The following AFG3L2 variants were observed in gnomAD, a reference collection of about 807,000 sequenced individuals.
The protein encoded by AFG3L2 is AFG3 like matrix AAA peptidase subunit 2, also known as mitochondrial inner membrane m-AAA protease component AFG3L2.
In AFG3L2, 54 loss-of-function variants were observed where a neutral mutation model predicts 94.5. That is an observed-to-expected ratio of 0.57 (90% CI 0.46 to 0.72). AFG3L2 has a LOEUF of 0.72. AFG3L2 is among the 30% of genes least tolerant of loss of function. The pLI is 0.00. For missense variants in AFG3L2, 754 were observed against 994.9 expected, an observed-to-expected ratio of 0.76 and a Z score of 3.26; for synonymous variants, 377 against 365.5, an observed-to-expected ratio of 1.03 and a Z score of -0.36.
intron 5 of AFG3L2, 108 bp from the exon 6 acceptor site, chr18:12,363,964 TA>T (rs1295646464): frequency 1.2e-5 from 11 of 889,558 alleles, no homozygotes; most frequent in Admixed American, 7.7e-5. Flanking sequence ...AAGGAAAGAA[TA>T]AAGAATCAGA....
In AFG3L2 at chr18:12,356,819, T is replaced by A. The variant is rs1452894670; in HGVS notation, c.1039A>T (p.Thr347Ser). 6.2e-7 allele frequency: 1 copy of A among 1,613,986 alleles called. No homozygotes were observed. Among genetic ancestry groups the A allele is most frequent in the Non-Finnish European group, 8.5e-7 (1 of 1,180,042 alleles). ...GAKIPKGAIL[T>S]GPPGTGKTLL... is the part of the protein sequence containing the mutation. ...GTCTTCCCAGTGCCTGGAGGACCAG[T>A]GAGAATGGCACCCTTCAGATATGAA... is the stretch of plus-strand genomic sequence containing the variant. The change falls in exon 9 of 17, where the codon ACT (threonine) becomes TCT (serine). Residue 347 changes from threonine (T) to serine (S), a missense_variant. Physicochemically the swap from Thr to Ser is moderately conservative, Grantham distance 58. Transcript: ENST00000269143.
chr18:12,373,829 C>G (rs1018154115), intron 1 of AFG3L2, among the ~76,000 whole-genome samples: 1 of 152,152 alleles, frequency 6.6e-6, no homozygotes. Flanking sequence ...AGTCCCAATA[C>G]AGCTCACAGA....
chr18:12,338,113 C>T lies in AFG3L2; in HGVS notation c.1981-578G>A, dbSNP rs549611559. ...TTTGAGACAGGGTCTTGTTCTGTCG[C>T]CCAGGCTGGAATGCAGTGCATGATC... is the stretch of plus-strand genomic sequence containing the variant. On this transcript the variant is annotated intron_variant, in intron 15 of 16. Transcript: ENST00000269143. Among the ~76,000 whole-genome samples, 52 of 152,226 alleles carry T rather than the reference C, an allele frequency of 3.4e-4. 1 individual carries two copies. The highest frequency in any genetic ancestry group is 2.9e-3 in the South Asian group (14 of 4,818).
rs2143254706 is a variant in AFG3L2, at chr18:12,377,125, G to C, written c.-43C>G. ...TCTCGGCCCGGGACGCTGCGCAGGC[G>C]CGGGCAGGCGACGACTGGCGGCCTC... is the stretch of plus-strand genomic sequence containing the variant. On this transcript the variant is annotated 5_prime_UTR_variant, in exon 1 of 17. Coordinates refer to ENST00000269143, the MANE Select transcript of AFG3L2 (RefSeq NM_006796.3). 2.3e-6 allele frequency: 3 copies of C among 1,322,912 alleles called. No individual in the cohort carries two copies. The highest frequency in any genetic ancestry group is 2.0e-6 in the Non-Finnish European group (2 of 1,017,230). 81.9% of individuals were successfully genotyped at this position (1,322,912 alleles called of 1,614,324 possible).
intron 15 of AFG3L2, among the ~76,000 whole-genome samples, chr18:12,339,771 C>G (rs1219400352): frequency 6.7e-6 from 1 of 150,092 alleles, no homozygotes; most frequent in Non-Finnish European, 1.5e-5. Context: ...ATGGTGTGAA[C>G]CTGGGAGGCA....
At chr18:12,370,054 CAAAAAAAA>C (rs796293157) in intron 3 of AFG3L2, among the ~76,000 whole-genome samples, 3 of 36,002 alleles carry the variant, frequency 8.3e-5, no homozygotes, top group African/African-American at 1.4e-4. Context: ...GACTCTGTCT[CAAAAAAAA>C]AAAAAAAAAA....
intron 9 of AFG3L2, among the ~76,000 whole-genome samples, chr18:12,355,691 A>T (rs1263596663): frequency 1.3e-5 from 2 of 148,948 alleles, no homozygotes; most frequent in South Asian, 4.2e-4. Context: ...TTTTTTTGAG[A>T]CGAGTCTCAC....
chr18:12,343,782 T>C (rs1206866660), intron 14 of AFG3L2: 1 of 342,142 alleles, frequency 2.9e-6, no homozygotes, highest in Admixed American at 4.4e-5. Flanking sequence ...CTCAGGATAA[T>C]AAAGACTATG....
chr18:12,360,487 C>T (rs1051907902), intron 6 of AFG3L2, among the ~76,000 whole-genome samples: 1 of 152,120 alleles, frequency 6.6e-6, no homozygotes, highest in Non-Finnish European at 1.5e-5. Context: ...GTTCTGGGCC[C>T]TTCAGATGCA....
intron 9 of AFG3L2, among the ~76,000 whole-genome samples, chr18:12,353,557 T>G (rs1908392453): frequency 6.6e-6 from 1 of 150,774 alleles, no homozygotes; most frequent in Non-Finnish European, 1.5e-5. Flanking sequence ...ATCTTCAGCT[T>G]CCCGTCCCAT....
intron 9 of AFG3L2, among the ~76,000 whole-genome samples, chr18:12,354,319 A>G (rs1275970597): frequency 6.6e-6 from 1 of 152,104 alleles, no homozygotes; most frequent in Non-Finnish European, 1.5e-5. Flanking sequence ...CCATCCCGGC[A>G]TGAACAGGAA....
At chr18:12,343,480 T>C (rs1908020509) in intron 14 of AFG3L2, 1 of 154,414 alleles carries the variant, frequency 6.5e-6, no homozygotes, top group African/African-American at 2.4e-5. Context: ...GCAGCTGCTT[T>C]CTGTCATCTG....
chr18:12,336,858 A>G (rs1907757889), intron 16 of AFG3L2, among the ~76,000 whole-genome samples: 1 of 152,200 alleles, frequency 6.6e-6, no homozygotes, highest in Non-Finnish European at 1.5e-5. Flanking sequence ...ACAACGACAA[A>G]CACAATGCTT....
chr18:12,362,053 C>A (rs1339424820), intron 6 of AFG3L2, among the ~76,000 whole-genome samples: 1 of 152,206 alleles, frequency 6.6e-6, no homozygotes, highest in African/African-American at 2.4e-5. Flanking sequence ...TAGATAAGAA[C>A]CTCTGTGGGG....
chr18:12,346,934 A>C (rs1458766569), intron 13 of AFG3L2, among the ~76,000 whole-genome samples: 10 of 145,666 alleles, frequency 6.9e-5, no homozygotes, highest in Admixed American at 1.4e-4. Context: ...AAAAGGAGTT[A>C]GAGACCAGCC....
At chr18:12,351,542 G>GTT in intron 10 of AFG3L2, 129 bp from the exon 11 acceptor site, 10 of 723,636 alleles carry the variant, frequency 1.4e-5, no homozygotes, top group Admixed American at 4.9e-5. Context: ...ATTATCTAGT[G>GTT]TTTTTTGTTT....
At chr18:12,345,410 T>C (rs1227518266) in intron 13 of AFG3L2, among the ~76,000 whole-genome samples, 6 of 152,252 alleles carry the variant, frequency 3.9e-5, no homozygotes, top group Non-Finnish European at 7.3e-5. Flanking sequence ...GCCATGTTCA[T>C]GGTAATCCAC....
Position 12,340,374 on chromosome 18 carries a change from G to GTGGGA in AFG3L2, c.1806_1807insTCCCA (p.Leu603SerfsTer3). On this transcript the variant is annotated frameshift_variant, in exon 15 of 17. Transcript: ENST00000269143. LOFTEE classifies it high-confidence loss of function. ...TTTGGTAAATACTGAGCATAACCTA[G>GTGGGA]TCCTTTGCCACGTGGGATGATGGAT... 1 of 1,614,094 alleles carries GTGGGA rather than the reference G, an allele frequency of 6.2e-7. No homozygotes were observed. The highest frequency in any genetic ancestry group is 8.5e-7 in the Non-Finnish European group (1 of 1,179,976).
intron 9 of AFG3L2, 64 bp from the exon 10 acceptor site, chr18:12,353,222 T>A: frequency 6.3e-7 from 1 of 1,599,098 alleles, no homozygotes; most frequent in Non-Finnish European, 8.6e-7. Flanking sequence ...GAATAAGAAA[T>A]GAAATAAATC....
Sources: allele counts gnomAD v4.1 joint callset (sites outside exome capture counted in the v4.1 genomes callset), GRCh38; gene constraint gnomAD v4.1.1; transcripts MANE v1.5; gene names NCBI Gene and HGNC (gene_info 2026-07-23, HGNC 2026-07-21).